LAPTM4B: variants seen among roughly 807,000 people sequenced by gnomAD.
The protein encoded by LAPTM4B is lysosomal-associated transmembrane protein 4B.
Under a neutral mutation model 28.5 loss-of-function variants are expected in LAPTM4B, and 26 were observed. The observed-to-expected ratio is 0.91, with a 90% CI of 0.67 to 1.27. The LOEUF is 1.27. Among genes scored for constraint, LAPTM4B ranks in the 50% most tolerant of loss-of-function variants. LAPTM4B has a pLI of 0.00. For missense variants in LAPTM4B, 288 were observed against 285.8 expected (o/e 1.01, Z -0.06); for synonymous variants, 109 against 106.4 (o/e 1.02, Z -0.15).
rs1016274645 is a variant in LAPTM4B at position 97,815,482 on chromosome 8, T to C, written c.285+81T>C. The stretch of plus-strand genomic sequence containing the variant: ...CTGTGCTGCTGTCTATAGTGAGAAG[T>C]GACTTTCCAGTTTTCTGTTAAGAAT... On this transcript the variant is annotated intron_variant, in intron 3 of 6. Coordinates refer to ENST00000521545, the MANE Select transcript of LAPTM4B (RefSeq NM_018407.6). The C allele has an allele frequency of 5.2e-6, 5 of 969,934 alleles. No homozygotes were observed. In the African/African-American group the frequency reaches 8.1e-5, roughly 16 times the overall value. 60.1% of individuals were successfully genotyped at this position (969,934 alleles called of 1,614,324 possible). A position where few individuals can be genotyped will look rare whatever the true frequency, so the allele number is the denominator to read the frequency against.
intron 6 of LAPTM4B, among the ~76,000 whole-genome samples, chr8:97,832,182 GAC>G (rs1377292866): frequency 1.3e-5 from 2 of 152,166 alleles, no homozygotes; most frequent in Non-Finnish European, 2.9e-5. Context: ...CCCTTTGAAA[GAC>G]ACAAAGGTAT....
intron 2 of LAPTM4B, among the ~76,000 whole-genome samples, chr8:97,811,288 T>G (rs921382575): frequency 6.6e-6 from 1 of 152,166 alleles, no homozygotes; most frequent in African/African-American, 2.4e-5. Context: ...GTCCTAGATA[T>G]ATACCCTAGG....
At chr8:97,813,176 T>C (rs1283274101) in intron 2 of LAPTM4B, among the ~76,000 whole-genome samples, 1 of 152,190 alleles carries the variant, frequency 6.6e-6, no homozygotes, top group East Asian at 1.9e-4. Context: ...CAGTGATGGA[T>C]CAGTCCAAGT....
At chr8:97,848,674 A>C (rs1433442078) in intron 6 of LAPTM4B, among the ~76,000 whole-genome samples, 1 of 152,186 alleles carries the variant, frequency 6.6e-6, no homozygotes, top group African/African-American at 2.4e-5. Context: ...ACATTTAAGT[A>C]ACTCTACTGT....
In LAPTM4B at chr8:97,788,986, G is replaced by A. The variant is rs183051574; in HGVS notation, c.99+12878G>A. On this transcript the variant is annotated intron_variant, in intron 1 of 6. Transcript: ENST00000521545. ...TGGGTTTACAGGCGTGAGCTACAGC[G>A]CCCAGCCCTGACAGCCATTTTTTTG... 3.6e-3 allele frequency among the ~76,000 whole-genome samples: 552 copies of A among 151,866 alleles called. 4 individuals are homozygous for A. Among genetic ancestry groups the A allele is most frequent in the Non-Finnish European group, 6.9e-3 (467 of 67,968 alleles).
chr8:97,795,929 A>C (rs10955132), intron 1 of LAPTM4B, among the ~76,000 whole-genome samples: 70,814 of 151,472 alleles, frequency 0.47, 16,987 homozygotes, highest in African/African-American at 0.56. Context: ...GTTCATTTCC[A>C]ATCACACCTC....
In LAPTM4B at chr8:97,816,209, A is replaced by G. The variant is rs778166867; in HGVS notation, c.408+29A>G. 10 of 1,578,256 alleles carry G rather than the reference A, an allele frequency of 6.3e-6. No homozygotes were observed. The East Asian group carries it at 2.3e-4, about 36-fold the overall frequency. On this transcript the variant is annotated intron_variant, in intron 4 of 6. Coordinates refer to ENST00000521545, the MANE Select transcript of LAPTM4B (RefSeq NM_018407.6). ...CGTGGACCTCTTACTGCTCCTTTTC[A>G]TTAATTCTTTTCATTAGGGAAGCTG...
chr8:97,837,174 T>C lies in LAPTM4B; in HGVS notation c.603+12021T>C, dbSNP rs112041281. ...CTTTCAAAAATTGTGCATGAAAAAT[T>C]TGATGTTTTTCCTCCTGCCACTTTT... On this transcript the variant is annotated intron_variant, in intron 6 of 6. Transcript: ENST00000521545. Among the ~76,000 whole-genome samples the C allele has an allele frequency of 3.3e-5, 5 of 150,946 alleles. No individual in the cohort carries two copies. The East Asian group carries it at 9.7e-4, about 29-fold the overall frequency.
chr8:97,825,826 A>G (rs952842114), intron 6 of LAPTM4B, among the ~76,000 whole-genome samples: 1 of 152,184 alleles, frequency 6.6e-6, no homozygotes, highest in Non-Finnish European at 1.5e-5. Flanking sequence ...GCCTGATGTA[A>G]TGCACAGTAC....
chr8:97,832,676 T>TTTTTGTTTTATTTTA (rs1554592878), intron 6 of LAPTM4B, among the ~76,000 whole-genome samples: 1 of 113,094 alleles, frequency 8.8e-6, no homozygotes, highest in Non-Finnish European at 1.9e-5. Context: ...TATTTATTTA[T>TTTTTGTTTTATTTTA]TTTTATTTTA....
chr8:97,807,762 A>C (rs1262588830), intron 2 of LAPTM4B, among the ~76,000 whole-genome samples: 9 of 152,108 alleles, frequency 5.9e-5, no homozygotes, highest in Non-Finnish European at 1.5e-5. Flanking sequence ...AGAATGAGAG[A>C]GTAACTAACT....
intron 1 of LAPTM4B, among the ~76,000 whole-genome samples, chr8:97,795,887 C>A (rs907436747): frequency 9.6e-5 from 14 of 146,240 alleles, no homozygotes; most frequent in Admixed American, 9.5e-4. Context: ...TACTTTTGAT[C>A]TCTTCCTAGA....
intron 1 of LAPTM4B, among the ~76,000 whole-genome samples, chr8:97,791,906 G>T (rs1332116911): frequency 6.6e-6 from 1 of 152,172 alleles, no homozygotes; most frequent in East Asian, 1.9e-4. Context: ...TGCATATGGG[G>T]ATGGTGGTTT....
intron 2 of LAPTM4B, among the ~76,000 whole-genome samples, chr8:97,808,739 A>G (rs1327053565): frequency 6.6e-6 from 1 of 152,042 alleles, no homozygotes; most frequent in Non-Finnish European, 1.5e-5. Flanking sequence ...TGGGTGGATC[A>G]CTTGAGACCA....
chr8:97,839,555 C>G (rs561807406), intron 6 of LAPTM4B, among the ~76,000 whole-genome samples: 42 of 152,276 alleles, frequency 2.8e-4, no homozygotes, highest in Non-Finnish European at 4.9e-4. Flanking sequence ...ATATAACTTT[C>G]CAGTTGTTTC....
chr8:97,786,313 A>G (rs986991848), intron 1 of LAPTM4B, among the ~76,000 whole-genome samples: 2 of 152,090 alleles, frequency 1.3e-5, no homozygotes, highest in Non-Finnish European at 2.9e-5. Context: ...TGCAGCTTCC[A>G]AGGGAAATTG....
chr8:97,785,880 G>T (rs921065436), intron 1 of LAPTM4B, among the ~76,000 whole-genome samples: 1 of 152,216 alleles, frequency 6.6e-6, no homozygotes, highest in Non-Finnish European at 1.5e-5. Flanking sequence ...TGATAATAAA[G>T]ACTTGCATCC....
At chr8:97,790,150 T>G (rs10088086) in intron 1 of LAPTM4B, among the ~76,000 whole-genome samples, 40,992 of 151,530 alleles carry the variant, frequency 0.27, 6,674 homozygotes, top group Non-Finnish European at 0.36. Context: ...TCTTGGCTAT[T>G]GTGAATAGTG....
At chr8:97,817,214 G>A (rs2449544) in intron 4 of LAPTM4B, among the ~76,000 whole-genome samples, 59,824 of 151,036 alleles carry the variant, frequency 0.4, 12,913 homozygotes, top group Middle Eastern at 0.5. Context: ...TTGCTGCAGC[G>A]TTGACCTCCC....
Sources: gnomAD v4.1 joint callset for allele counts (sites outside exome capture counted in the v4.1 genomes callset) on GRCh38, gnomAD v4.1.1 for gene constraint, MANE v1.5 for transcripts, NCBI Gene and HGNC (gene_info 2026-07-23, HGNC 2026-07-21) for gene names.